Variants in CASP6 observed in about 807,000 individuals in gnomAD.
CASP6 encodes the protein caspase-6.
CASP6 carries 20 observed loss-of-function variants against 31.8 expected under a neutral mutation model. The ratio of observed to expected loss-of-function variants is 0.63; its 90% CI spans 0.44 to 0.91. The LOEUF (loss-of-function observed/expected upper bound fraction) is 0.91. CASP6 is among the 40% of genes least tolerant of loss of function. The probability of loss-of-function intolerance (pLI) is 0.00; values close to 1 mark genes in which losing one functional copy is unlikely to be tolerated. For missense variants in CASP6, 328 were observed against 361.1 expected, an observed-to-expected ratio of 0.91 and a Z score of 0.74; for synonymous variants, 130 against 127.8, an observed-to-expected ratio of 1.02 and a Z score of -0.12.
At chr4:109,679,563 A>G in the CASP6 span, among the ~76,000 whole-genome samples, 1 of 152,176 alleles carries the variant, frequency 6.6e-6, no homozygotes, top group Non-Finnish European at 1.5e-5. Context: ...GGGAGGTTGC[A>G]GCGAGCCGAG....
chr4:109,701,008 G>GA (rs1227110849), intron 1 of CASP6, among the ~76,000 whole-genome samples: 1 of 152,086 alleles, frequency 6.6e-6, no homozygotes, highest in Non-Finnish European at 1.5e-5. Context: ...GCCTAGGCTG[G>GA]AGTGCAGTGG....
At chr4:109,681,437 A>T in the CASP6 span, 1 of 453,370 alleles carries the variant, frequency 2.2e-6, no homozygotes, top group Non-Finnish European at 4.4e-6. Flanking sequence ...TCTGGTAGAG[A>T]GTGTTACCGG....
chr4:109,696,340 C>G (rs1432614735), intron 4 of CASP6, 70 bp downstream of exon 4: 8 of 1,119,780 alleles, frequency 7.1e-6, no homozygotes, highest in Non-Finnish European at 1.1e-5. Flanking sequence ...TTGTACCTGT[C>G]TTTACAGATA....
At chr4:109,679,499 A>G in the CASP6 span, among the ~76,000 whole-genome samples, 7 of 152,244 alleles carry the variant, frequency 4.6e-5, no homozygotes, top group African/African-American at 1.7e-4. Flanking sequence ...TACAAAAACC[A>G]GTCAGGAGTG....
At chr4:109,709,313 G>A in the CASP6 span, among the ~76,000 whole-genome samples, 6 of 152,138 alleles carry the variant, frequency 3.9e-5, no homozygotes, top group Middle Eastern at 3.2e-3. Context: ...TGAGTCTCAC[G>A]CATGCTCATG....
the CASP6 span, chr4:109,674,020 C>G: frequency 7.9e-7 from 1 of 1,262,238 alleles, no homozygotes; most frequent in Non-Finnish European, 1.2e-6. Context: ...GTCCATTCAT[C>G]TGATCCACAT....
chr4:109,702,111 G>A (rs1277077838), intron 1 of CASP6, among the ~76,000 whole-genome samples: 1 of 152,178 alleles, frequency 6.6e-6, no homozygotes. Flanking sequence ...AGGAAGAAGA[G>A]GAAGGGAGCA....
chr4:109,684,810 C>G, downstream of CASP6: 3 of 541,226 alleles, frequency 5.5e-6, no homozygotes, highest in Non-Finnish European at 9.7e-6. Context: ...TGAAGACTCA[C>G]AACACAGAGA....
the CASP6 span, among the ~76,000 whole-genome samples, chr4:109,670,720 AAAAAAAAAAAAG>A: frequency 1.5e-5 from 2 of 130,862 alleles, no homozygotes; most frequent in African/African-American, 7.1e-5. Flanking sequence ...CTCTGTCTCC[AAAAAAAAAAAAG>A]AAAAAGAAAA....
chr4:109,708,818 C>T, the CASP6 span, among the ~76,000 whole-genome samples: 2 of 152,098 alleles, frequency 1.3e-5, no homozygotes, highest in Admixed American at 1.3e-4. Context: ...TGTCTAAAAA[C>T]ATAAATACAG....
chr4:109,677,482 T>TG, the CASP6 span, among the ~76,000 whole-genome samples: 1 of 152,142 alleles, frequency 6.6e-6, no homozygotes, highest in Non-Finnish European at 1.5e-5. Flanking sequence ...CAGAATGCTA[T>TG]GGTTTGAATG....
upstream of CASP6, among the ~76,000 whole-genome samples, chr4:109,706,166 T>TACACAC (rs1192661059): frequency 2.2e-4 from 20 of 92,040 alleles, 1 homozygote; most frequent in African/African-American, 1.1e-3. Context: ...TATATATATA[T>TACACAC]ATATACACAC....
At chr4:109,673,447 C>T in the CASP6 span, among the ~76,000 whole-genome samples, 1 of 152,174 alleles carries the variant, frequency 6.6e-6, no homozygotes, top group Non-Finnish European at 1.5e-5. Context: ...GCAGAAGCCT[C>T]CCTGGAGATG....
Position 109,689,143 on chromosome 4 carries a change from A to AT in CASP6, c.*186dup, listed in dbSNP as rs543153358. 511 of 519,618 alleles carry AT rather than the reference A, an allele frequency of 9.8e-4. 3 individuals carry two copies. Among genetic ancestry groups the AT allele is most frequent in the South Asian group, 6.9e-3 (303 of 44,206 alleles). 32.2% of individuals were successfully genotyped at this position (519,618 alleles called of 1,614,324 possible). ...GGCATGCGCCGCCATGCCTAGCTAA[A>AT]TTTTTTTTTGCATTTTTAGTAGAGA... On this transcript the variant is annotated 3_prime_UTR_variant, in exon 7 of 7. Coordinates refer to ENST00000265164, the MANE Select transcript of CASP6 (RefSeq NM_001226.4).
chr4:109,694,289 G>C (rs1730169729), intron 5 of CASP6, among the ~76,000 whole-genome samples: 1 of 152,176 alleles, frequency 6.6e-6, no homozygotes, highest in Admixed American at 6.5e-5. Context: ...TAGCACATTG[G>C]TTACTTTGTG....
At chr4:109,706,001 A>T (rs60045927), upstream of CASP6, among the ~76,000 whole-genome samples, 1,059 of 30,368 alleles carry the variant, frequency 0.035, 56 homozygotes, top group African/African-American at 0.06. Context: ...AAAAAAAAAA[A>T]ATATATATAT....
chr4:109,678,124 G>A, the CASP6 span, among the ~76,000 whole-genome samples: 3 of 151,930 alleles, frequency 2.0e-5, no homozygotes, highest in African/African-American at 4.8e-5. Context: ...CAGAGAGCAC[G>A]GGGTTGGGGG....
At chr4:109,680,173 C>T in the CASP6 span, among the ~76,000 whole-genome samples, 14 of 152,134 alleles carry the variant, frequency 9.2e-5, no homozygotes, top group African/African-American at 3.1e-4. Context: ...GAAATGTTAA[C>T]GTTCAAGGAC....
the CASP6 span, among the ~76,000 whole-genome samples, chr4:109,680,590 C>A: frequency 6.6e-6 from 1 of 151,926 alleles, no homozygotes; most frequent in African/African-American, 2.4e-5. Context: ...GACTCTGACT[C>A]TTCTACAGAT....
Sources: gnomAD v4.1 joint callset for allele counts (sites outside exome capture counted in the v4.1 genomes callset) on GRCh38, gnomAD v4.1.1 for gene constraint, MANE v1.5 for transcripts, NCBI Gene and HGNC (gene_info 2026-07-23, HGNC 2026-07-21) for gene names.